The following ANTXR1 variants were observed in gnomAD, a reference collection of about 807,000 sequenced individuals.
ANTXR1 encodes the protein ANTXR cell adhesion molecule 1.
ANTXR1 carries 19 observed loss-of-function variants against 78.1 expected under a neutral mutation model. The observed-to-expected ratio is 0.24, with a 90% CI of 0.17 to 0.36. The LOEUF (loss-of-function observed/expected upper bound fraction) is 0.36, where lower values mean the gene tolerates loss of function less well. ANTXR1 is among the 10% of genes least tolerant of loss of function. The pLI is 1.00. For missense variants in ANTXR1, 518 were observed against 718.6 expected (o/e 0.72, Z 3.19); for synonymous variants, 273 against 260.5 (o/e 1.05, Z -0.46).
At chr2:69,039,434 G>A (rs1269869262) in intron 1 of ANTXR1, among the ~76,000 whole-genome samples, 6 of 152,128 alleles carry the variant, frequency 3.9e-5, no homozygotes, top group Non-Finnish European at 5.9e-5. Flanking sequence ...AAGCTGTGTC[G>A]TTTTTCTTCT....
chr2:69,234,043 T>A (rs1675690361), intron 17 of ANTXR1, among the ~76,000 whole-genome samples: 1 of 152,120 alleles, frequency 6.6e-6, no homozygotes, highest in Non-Finnish European at 1.5e-5. Flanking sequence ...CATAAAAATA[T>A]AAAAGGCCAT....
intron 6 of ANTXR1, among the ~76,000 whole-genome samples, chr2:69,073,341 A>T (rs1435300535): frequency 1.3e-5 from 2 of 152,320 alleles, no homozygotes; most frequent in East Asian, 3.9e-4. Flanking sequence ...GCTTTGAAGG[A>T]TTAAAAATTC....
At chr2:69,094,770 G>C (rs1194967074) in intron 9 of ANTXR1, among the ~76,000 whole-genome samples, 1 of 152,214 alleles carries the variant, frequency 6.6e-6, no homozygotes, top group African/African-American at 2.4e-5. Context: ...CCAAAATCTA[G>C]CACAGGCCTT....
In ANTXR1 at chr2:69,079,623, C is replaced by T. The variant is rs538367864; in HGVS notation, c.642+2135C>T. On this transcript the variant is annotated intron_variant, in intron 8 of 17. Transcript: ENST00000303714. ...GTTGAAACCAGATTAACATGAGCCT[C>T]GAAGGGGTTTTGCCTCTAACCTATA... Among the ~76,000 whole-genome samples the T allele has an allele frequency of 1.3e-4, 20 of 151,978 alleles. No homozygotes were observed. In the South Asian group the frequency reaches 4.2e-3, roughly 32 times the overall value.
At chr2:69,109,141 A>G (rs924813782) in intron 10 of ANTXR1, among the ~76,000 whole-genome samples, 1 of 152,164 alleles carries the variant, frequency 6.6e-6, no homozygotes, top group African/African-American at 2.4e-5. Context: ...TAATAGCCAT[A>G]CTATGTCTTG....
chr2:69,054,176 G>A (rs1289855452), intron 3 of ANTXR1, among the ~76,000 whole-genome samples: 1 of 114,188 alleles, frequency 8.8e-6, no homozygotes, highest in Non-Finnish European at 1.5e-5. Context: ...TATCAAAGAT[G>A]GGGATTATCG....
intron 1 of ANTXR1, among the ~76,000 whole-genome samples, chr2:69,018,064 G>A (rs528289680): frequency 6.5e-4 from 99 of 152,262 alleles, no homozygotes; most frequent in African/African-American, 2.3e-3. Flanking sequence ...AATAGAATGT[G>A]GGAAAGAGAG....
intron 4 of ANTXR1, among the ~76,000 whole-genome samples, chr2:69,070,989 C>G (rs966524507): frequency 6.6e-6 from 1 of 152,186 alleles, no homozygotes; most frequent in Non-Finnish European, 1.5e-5. Flanking sequence ...TCACGCCACA[C>G]ACAAGTCCCG....
chr2:69,145,539 A>G (rs1460176645), intron 12 of ANTXR1: 1 of 1,424,130 alleles, frequency 7.0e-7, no homozygotes, highest in Admixed American at 2.8e-5. Flanking sequence ...AAGAAACATC[A>G]GGAGGGACAG....
At chr2:69,096,757 A>G (rs1316074046) in intron 9 of ANTXR1, among the ~76,000 whole-genome samples, 2 of 152,352 alleles carry the variant, frequency 1.3e-5, no homozygotes, top group African/African-American at 4.8e-5. Flanking sequence ...AGAACTGACA[A>G]CACTGAACCT....
intron 10 of ANTXR1, among the ~76,000 whole-genome samples, chr2:69,113,131 T>G (rs1281162744): frequency 6.6e-6 from 1 of 152,158 alleles, no homozygotes; most frequent in Non-Finnish European, 1.5e-5. Context: ...TGTGCTGCAT[T>G]TGTTTTATGC....
At chr2:69,115,604 C>T (rs1258218296) in intron 10 of ANTXR1, among the ~76,000 whole-genome samples, 1 of 152,176 alleles carries the variant, frequency 6.6e-6, no homozygotes, top group African/African-American at 2.4e-5. Context: ...AGAGTCCAGG[C>T]TCTTAGTGTT....
chr2:69,030,760 G>T (rs1671506316), intron 1 of ANTXR1, among the ~76,000 whole-genome samples: 1 of 151,956 alleles, frequency 6.6e-6, no homozygotes, highest in African/African-American at 2.4e-5. Context: ...ATCTCCCAAG[G>T]CGCAATTTTT....
intron 3 of ANTXR1, 61 bp from the exon 4 acceptor site, chr2:69,070,586 G>C (rs1670535878): frequency 6.7e-7 from 1 of 1,490,900 alleles, no homozygotes; most frequent in Admixed American, 1.7e-5. Flanking sequence ...TAGTACTTAT[G>C]ACTACAACAG....
Position 69,013,694 on chromosome 2 carries a change from C to A in ANTXR1, c.152+43C>A, listed in dbSNP as rs199806524. On this transcript the variant is annotated intron_variant, in intron 1 of 17. Coordinates refer to ENST00000303714, the MANE Select transcript of ANTXR1 (RefSeq NM_032208.3). This position sits in a 1 kb window ranked among gnomAD's most constrained non-coding sequence, Gnocchi z 5.0. ...TCCCCCCCACCCCAGGCTAAGCGGG[C>A]GAAAACGCTTTCGCCCCGGGCCGGG... is the stretch of plus-strand genomic sequence containing the variant. 2 of 1,551,276 alleles carry A rather than the reference C, an allele frequency of 1.3e-6. No individual in the cohort carries two copies. The highest frequency in any genetic ancestry group is 2.4e-5 in the East Asian group (1 of 40,908).
intron 3 of ANTXR1, among the ~76,000 whole-genome samples, chr2:69,053,643 A>G (rs530765601): frequency 1.8e-4 from 28 of 152,346 alleles, no homozygotes; most frequent in African/African-American, 6.3e-4. Flanking sequence ...TATGCAGACC[A>G]AGATCATTAT....
intron 16 of ANTXR1, among the ~76,000 whole-genome samples, chr2:69,187,241 C>T: frequency 6.6e-6 from 1 of 152,272 alleles, no homozygotes; most frequent in East Asian, 1.9e-4. Flanking sequence ...ACACTTCCCC[C>T]CTTCCTCATT....
chr2:69,031,298 C>G (rs1671525220), intron 1 of ANTXR1, among the ~76,000 whole-genome samples: 1 of 152,138 alleles, frequency 6.6e-6, no homozygotes, highest in South Asian at 2.1e-4. Context: ...GCCATCTTGC[C>G]ATCTTGAATT....
At chr2:69,135,086 G>A (rs1202024618) in intron 12 of ANTXR1, 4 of 392,206 alleles carry the variant, frequency 1.0e-5, no homozygotes, top group African/African-American at 8.1e-5. Context: ...TATTGTTTAT[G>A]AACTGAAATA....
Sources: allele counts gnomAD v4.1 joint callset (sites outside exome capture counted in the v4.1 genomes callset), GRCh38; gene constraint gnomAD v4.1.1; non-coding constraint Gnocchi (gnomAD v3.1); transcripts MANE v1.5; gene names NCBI Gene and HGNC (gene_info 2026-07-23, HGNC 2026-07-21).